Variants in CDC14B observed in about 807,000 individuals in gnomAD.
CDC14B encodes the protein cell division cycle 14B.
A neutral mutation model predicts 64.2 loss-of-function variants in CDC14B; 22 were observed. The ratio of observed to expected loss-of-function variants is 0.34; its 90% CI spans 0.24 to 0.49. The LOEUF (loss-of-function observed/expected upper bound fraction) is 0.49, where lower values mean the gene tolerates loss of function less well. Ranked by LOEUF, CDC14B falls within the 20% of genes least tolerant of loss-of-function variation. The probability of loss-of-function intolerance (pLI) is 0.99; values close to 1 mark genes in which losing one functional copy is unlikely to be tolerated. For missense variants in CDC14B, 498 were observed against 629.9 expected (o/e 0.79, Z 2.24); for synonymous variants, 191 against 215.8 (o/e 0.89, Z 1.01).
At chr9:96,597,431 T>C (rs1361777736) in intron 1 of CDC14B, among the ~76,000 whole-genome samples, 1 of 150,936 alleles carries the variant, frequency 6.6e-6, no homozygotes, top group Non-Finnish European at 1.5e-5. Context: ...GAGGCGGAGG[T>C]TGCAGTGAGC....
chr9:96,530,157 T>C (rs1435918526), intron 9 of CDC14B, among the ~76,000 whole-genome samples: 1 of 152,224 alleles, frequency 6.6e-6, no homozygotes, highest in Non-Finnish European at 1.5e-5. Flanking sequence ...GTTTCTTTTT[T>C]ATATTTTTAT....
chr9:96,542,152 T>C (rs1425830390), intron 5 of CDC14B, among the ~76,000 whole-genome samples: 1 of 152,244 alleles, frequency 6.6e-6, no homozygotes, highest in Non-Finnish European at 1.5e-5. Flanking sequence ...TCTCTCTGGA[T>C]TATTTTTGGC....
chr9:96,531,615 C>T (rs1178368318), intron 9 of CDC14B, among the ~76,000 whole-genome samples: 1 of 151,636 alleles, frequency 6.6e-6, no homozygotes, highest in East Asian at 1.9e-4. Context: ...TATTGGTTTT[C>T]TACTCTCTAT....
chr9:96,491,198 T>A (rs1833090190), exon 14 of CDC14B: 1 of 152,296 alleles, frequency 6.6e-6, no homozygotes, highest in Non-Finnish European at 1.5e-5. Context: ...CTGCCTGTTG[T>A]CACACAGTTC....
At chr9:96,498,292 A>G (rs10512238), downstream of CDC14B, among the ~76,000 whole-genome samples, 27,282 of 152,212 alleles carry the variant, frequency 0.18, 2,575 homozygotes, top group African/African-American at 0.23. Context: ...CTAGGTGCTC[A>G]CTAGTCCAAT....
At chr9:96,523,766 T>C in intron 9 of CDC14B, 41 bp from the exon 10 acceptor site, 1 of 1,597,130 alleles carries the variant, frequency 6.3e-7, no homozygotes, top group Non-Finnish European at 8.6e-7. Flanking sequence ...CTTGGGCTGA[T>C]GTACTCCAGG....
intron 1 of CDC14B, among the ~76,000 whole-genome samples, chr9:96,617,910 G>A (rs1847736520): frequency 6.6e-6 from 1 of 152,074 alleles, no homozygotes; most frequent in East Asian, 1.9e-4. Context: ...ATCCGTCCTC[G>A]GCGAGGCCCT....
chr9:96,514,571 C>CA lies in CDC14B; in HGVS notation c.1344-4783dup, dbSNP rs1416070938. The CA allele has an allele frequency of 4.1e-6, 4 of 985,314 alleles. No individual in the cohort carries two copies. The African/African-American group carries it at 7.0e-5, about 17-fold the overall frequency. 61.0% of individuals were successfully genotyped at this position (985,314 alleles called of 1,614,324 possible). ...TCTTTCTCAGCTATGTGAAAATACT[C>CA]AGTGAAACCACAAAGTACCAGAGTT... On this transcript the variant is annotated intron_variant, in intron 12 of 13. Transcript: ENST00000375241.
rs1834640313 is a variant in CDC14B at position 96,509,671 on chromosome 9, A to C, written c.1460+2T>G. ...TTCAGAAGAGTAGGATTCTTTTCTCACCTTTTAACACTGCTTTTCCTTGAA... is the reference window on the plus strand; with the variant it reads ...TTCAGAAGAGTAGGATTCTTTTCTCCCCTTTTAACACTGCTTTTCCTTGAA... On this transcript the variant is annotated splice_donor_variant, in intron 13 of 13. Transcript: ENST00000375241. LOFTEE classifies it high-confidence loss of function. The C allele has an allele frequency of 6.4e-7, 1 of 1,565,184 alleles. No homozygotes were observed. The highest frequency in any genetic ancestry group is 1.4e-5 in the African/African-American group (1 of 73,914).
intron 1 of CDC14B, among the ~76,000 whole-genome samples, chr9:96,585,856 A>C (rs539423727): frequency 6.6e-6 from 1 of 152,346 alleles, no homozygotes; most frequent in East Asian, 1.9e-4. Flanking sequence ...AAGCAACCCA[A>C]ATGTACATCA....
intron 1 of CDC14B, among the ~76,000 whole-genome samples, chr9:96,604,474 G>C (rs901124301): frequency 6.6e-6 from 1 of 151,194 alleles, no homozygotes; most frequent in Non-Finnish European, 1.5e-5. Flanking sequence ...TCCGCCTCCC[G>C]GGATCAAGCG....
chr9:96,571,819 T>A (rs1329320944), intron 1 of CDC14B, among the ~76,000 whole-genome samples: 1 of 152,144 alleles, frequency 6.6e-6, no homozygotes, highest in African/African-American at 2.4e-5. Flanking sequence ...GGCTCTAATA[T>A]GACTGTGAGC....
intron 1 of CDC14B, among the ~76,000 whole-genome samples, chr9:96,609,491 C>T (rs532230736): frequency 6.6e-6 from 1 of 152,164 alleles, no homozygotes; most frequent in Non-Finnish European, 1.5e-5. Context: ...TCTTTAATAA[C>T]ACTTGGCCCA....
rs75928967 is a variant in CDC14B at position 96,569,551 on chromosome 9, C to T, written c.161-4068G>A. ...CCAATATTTTATTGTTAGAGTAACACATCAATAAAGTACTACAGAGACTAT... is the reference window on the plus strand; with the variant it reads ...CCAATATTTTATTGTTAGAGTAACATATCAATAAAGTACTACAGAGACTAT... On this transcript the variant is annotated intron_variant, in intron 1 of 13. Transcript: ENST00000375241. 4.2e-4 allele frequency among the ~76,000 whole-genome samples: 64 copies of T among 152,270 alleles called. No homozygotes were observed. In the East Asian group the frequency reaches 0.012, roughly 29 times the overall value.
At chr9:96,617,434 T>A (rs1232131901) in intron 1 of CDC14B, among the ~76,000 whole-genome samples, 2 of 152,042 alleles carry the variant, frequency 1.3e-5, no homozygotes, top group African/African-American at 2.4e-5. Flanking sequence ...CAAATCTACA[T>A]AAACATTTAA....
intron 6 of CDC14B, among the ~76,000 whole-genome samples, chr9:96,540,397 C>T (rs1354589178): frequency 6.6e-6 from 1 of 151,998 alleles, no homozygotes; most frequent in Non-Finnish European, 1.5e-5. Flanking sequence ...CTTTGGGAGG[C>T]CAAGGTGAGT....
At chr9:96,544,085 C>T (rs888241119) in intron 5 of CDC14B, among the ~76,000 whole-genome samples, 1 of 151,900 alleles carries the variant, frequency 6.6e-6, no homozygotes, top group African/African-American at 2.4e-5. Flanking sequence ...GGCATGGTGG[C>T]GCGCACCTGT....
intron 5 of CDC14B, among the ~76,000 whole-genome samples, chr9:96,547,053 C>T (rs1164823234): frequency 1.3e-5 from 2 of 148,878 alleles, no homozygotes; most frequent in African/African-American, 2.5e-5. Context: ...CAGAGCAAGA[C>T]TCCGACTCAA....
At position 96,562,699 on chromosome 9, in the gene CDC14B, G is replaced by A. The variant is rs1036055576; in HGVS notation, c.414C>T (p.Cys138=). 9 of 1,600,970 alleles carry A rather than the reference G, an allele frequency of 5.6e-6. No homozygotes were observed. The highest frequency in any genetic ancestry group is 7.7e-6 in the Non-Finnish European group (9 of 1,168,220). The change falls in exon 4 of 14, where the codon TGC becomes TGT. Residue 138 remains cysteine (C), a synonymous_variant. Coordinates refer to ENST00000375241, the MANE Select transcript of CDC14B (RefSeq NM_033331.4). ...TAGGAAAACAAATACTTACCATGTA[G>A]CATCCAACAAGGAAGGCAGCATTTG... ...KQANAAFLVG[C]YMVIYLGRTP... is the part of the protein sequence containing the mutation.
Sources: allele counts gnomAD v4.1 joint callset (sites outside exome capture counted in the v4.1 genomes callset), GRCh38; gene constraint gnomAD v4.1.1; transcripts MANE v1.5; gene names NCBI Gene and HGNC (gene_info 2026-07-23, HGNC 2026-07-21).